CTHRC1: variants seen among roughly 807,000 people sequenced by gnomAD.
CTHRC1 encodes the protein collagen triple helix repeat containing 1.
CTHRC1 carries 21 observed loss-of-function variants against 25.9 expected under a neutral mutation model. The observed-to-expected ratio is 0.81, with a 90% CI of 0.57 to 1.17. CTHRC1 has a LOEUF of 1.17. CTHRC1 is among the 50% of genes most tolerant of loss of function. CTHRC1 has a pLI of 0.00. For missense variants in CTHRC1, 281 were observed against 304.3 expected (o/e 0.92, Z 0.57); for synonymous variants, 109 against 113.1 (o/e 0.96, Z 0.23).
intron 2 of CTHRC1, 23 bp from the exon 3 acceptor site, chr8:103,378,004 T>C: frequency 1.3e-6 from 2 of 1,555,780 alleles, no homozygotes; most frequent in East Asian, 2.2e-5. Flanking sequence ...GTTAATTAAA[T>C]CCCATTTCTA....
chr8:103,382,638 T>A lies in CTHRC1; in HGVS notation c.*38T>A, dbSNP rs1176750714. On this transcript the variant is annotated 3_prime_UTR_variant, in exon 4 of 4. Coordinates refer to ENST00000330295, the MANE Select transcript of CTHRC1 (RefSeq NM_138455.4). Reference sequence around the variant, plus strand: ...TCATTTGCTACCTCTTTTTTTATTATGCCTTGGAATGGTTCACTTAAATGA... The same window carrying A: ...TCATTTGCTACCTCTTTTTTTATTAAGCCTTGGAATGGTTCACTTAAATGA... The A allele has an allele frequency of 6.5e-7, 1 of 1,529,564 alleles. No individual in the cohort carries two copies. Among genetic ancestry groups the A allele is most frequent in the Non-Finnish European group, 9.1e-7 (1 of 1,103,322 alleles). 94.7% of individuals were successfully genotyped at this position (1,529,564 alleles called of 1,614,324 possible). A position where few individuals can be genotyped will look rare whatever the true frequency, so the allele number is the denominator to read the frequency against.
intron 1 of CTHRC1, among the ~76,000 whole-genome samples, chr8:103,373,443 C>CTTT (rs33982219): frequency 6.7e-6 from 1 of 149,308 alleles, no homozygotes; most frequent in Admixed American, 6.7e-5. Context: ...CCCTTCACAT[C>CTTT]TTTTTTTTTT....
chr8:103,372,569 G>A, intron 1 of CTHRC1: 3 of 1,598,358 alleles, frequency 1.9e-6, no homozygotes, highest in Non-Finnish European at 2.5e-6. Flanking sequence ...CGCCAGGTAG[G>A]AGCATCACAG....
At chr8:103,381,003 C>CA (rs1815900955) in intron 3 of CTHRC1, among the ~76,000 whole-genome samples, 1 of 152,140 alleles carries the variant, frequency 6.6e-6, no homozygotes, top group South Asian at 2.1e-4. Context: ...ATCTCTGGGT[C>CA]TCAGCAGGAA....
chr8:103,376,424 A>G (rs1175039890), intron 2 of CTHRC1, among the ~76,000 whole-genome samples: 1 of 152,220 alleles, frequency 6.6e-6, no homozygotes, highest in Non-Finnish European at 1.5e-5. Flanking sequence ...GCTAAGCCTA[A>G]GAGAAGTGAA....
chr8:103,382,872 T>A lies in CTHRC1; in HGVS notation c.*272T>A. On this transcript the variant is annotated 3_prime_UTR_variant, in exon 4 of 4. Coordinates refer to ENST00000330295, the MANE Select transcript of CTHRC1 (RefSeq NM_138455.4). ...ATAATTTGGAATATTGTTGTGGTCT[T>A]TTGTTTTTTCTCTTAGTATAGCATT... The A allele has an allele frequency of 2.9e-6, 1 of 350,032 alleles. No homozygotes were observed. Among genetic ancestry groups the A allele is most frequent in the Non-Finnish European group, 5.3e-6 (1 of 187,222 alleles). The allele number at this position is 350,032 out of a possible 1,614,324, so 21.7% of individuals were successfully genotyped here.
chr8:103,372,188 T>A (rs1815717664), intron 1 of CTHRC1, among the ~76,000 whole-genome samples: 1 of 152,084 alleles, frequency 6.6e-6, no homozygotes, highest in African/African-American at 2.4e-5. Flanking sequence ...ACGTCCGAAG[T>A]GGACCTGGGA....
intron 2 of CTHRC1, among the ~76,000 whole-genome samples, chr8:103,377,480 C>A (rs1310532874): frequency 6.6e-6 from 1 of 152,068 alleles, no homozygotes; most frequent in Non-Finnish European, 1.5e-5. Flanking sequence ...CTGAAAGATA[C>A]CCTCAATGGG....
chr8:103,372,554 G>A (rs1815726329), intron 1 of CTHRC1: 3 of 1,598,320 alleles, frequency 1.9e-6, no homozygotes, highest in East Asian at 4.5e-5. Flanking sequence ...GTCTTCATAT[G>A]TGGCCGCCAG....
intron 2 of CTHRC1, 26 bp from the exon 3 acceptor site, chr8:103,378,001 A>G (rs1586553874): frequency 3.9e-6 from 6 of 1,542,886 alleles, no homozygotes. Context: ...AATGTTAATT[A>G]AATCCCATTT....
intron 1 of CTHRC1, among the ~76,000 whole-genome samples, chr8:103,374,197 G>A (rs1166385721): frequency 2.6e-5 from 4 of 152,000 alleles, no homozygotes; most frequent in Non-Finnish European, 5.9e-5. Context: ...TCAAACTGGC[G>A]ATGGAGACAC....
Position 103,382,705 on chromosome 8 carries a change from A to G in CTHRC1, c.*105A>G. On this transcript the variant is annotated 3_prime_UTR_variant, in exon 4 of 4. Coordinates refer to ENST00000330295, the MANE Select transcript of CTHRC1 (RefSeq NM_138455.4). ...ATGTATACATCTGAATGAAAAGCAA[A>G]GCTAAATATGTTTACAGACCAAAGT... 1 of 1,016,706 alleles carries G rather than the reference A, an allele frequency of 9.8e-7. No homozygotes were observed. The highest frequency in any genetic ancestry group is 1.6e-6 in the Non-Finnish European group (1 of 641,010). 63.0% of individuals were successfully genotyped at this position (1,016,706 alleles called of 1,614,324 possible).
chr8:103,380,120 C>G (rs967495938), intron 3 of CTHRC1, among the ~76,000 whole-genome samples: 1 of 152,122 alleles, frequency 6.6e-6, no homozygotes, highest in Admixed American at 6.5e-5. Context: ...TAAGAAGAAT[C>G]TAGATATTAA....
At chr8:103,372,333 T>C in intron 1 of CTHRC1, 1 of 884,610 alleles carries the variant, frequency 1.1e-6, no homozygotes, top group Non-Finnish European at 1.6e-6. Flanking sequence ...TCCAACTCTT[T>C]GTAACTTGAA....
intron 2 of CTHRC1, 129 bp from the exon 3 acceptor site, chr8:103,377,898 C>G: frequency 1.2e-6 from 1 of 833,990 alleles, no homozygotes; most frequent in South Asian, 1.5e-5. Flanking sequence ...GCCACCACAC[C>G]CGGCCAAGTT....
chr8:103,379,065 G>A (rs778155644), intron 3 of CTHRC1, among the ~76,000 whole-genome samples: 16 of 152,074 alleles, frequency 1.1e-4, no homozygotes, highest in Non-Finnish European at 2.1e-4. Context: ...AGACTAATAA[G>A]GAGACTGATT....
At chr8:103,371,981 G>C (rs1249553951) in intron 1 of CTHRC1, among the ~76,000 whole-genome samples, 175 bp downstream of exon 1, 3 of 152,218 alleles carry the variant, frequency 2.0e-5, no homozygotes, top group Non-Finnish European at 2.9e-5. Flanking sequence ...AGAAGGACCT[G>C]GTTATGCGTG....
At chr8:103,373,628 G>A (rs892834784) in intron 1 of CTHRC1, among the ~76,000 whole-genome samples, 2 of 149,610 alleles carry the variant, frequency 1.3e-5, no homozygotes, top group African/African-American at 2.5e-5. Context: ...GGACATGTTG[G>A]GCCAGATAAT....
At position 103,375,881 on chromosome 8, in the gene CTHRC1, T is replaced by A; in HGVS notation, c.294T>A (p.Phe98Leu). Reference protein sequence around the residue: ...GEKGECLRESFEESWTPNYKQ... With the variant: ...GEKGECLRESLEESWTPNYKQ... ...AGGGGGAATGTCTGAGGGAAAGCTT[T>A]GAGGAGTCCTGGACACCCAACTACA... The change falls in exon 2 of 4, where the codon TTT becomes TTA. Residue 98 changes from phenylalanine to leucine, a missense_variant. Transcript: ENST00000330295. 6.2e-7 allele frequency: 1 copy of A among 1,614,126 alleles called. No individual in the cohort carries two copies. The highest frequency in any genetic ancestry group is 8.5e-7 in the Non-Finnish European group (1 of 1,180,016).
Sources: allele counts gnomAD v4.1 joint callset (sites outside exome capture counted in the v4.1 genomes callset), GRCh38; gene constraint gnomAD v4.1.1; transcripts MANE v1.5; gene names NCBI Gene and HGNC (gene_info 2026-07-23, HGNC 2026-07-21).